Variants in PHLDB3 observed in about 807,000 individuals in gnomAD.
PHLDB3 encodes the protein pleckstrin homology-like domain family B member 3.
A neutral mutation model predicts 85.7 loss-of-function variants in PHLDB3; 86 were observed. The observed-to-expected ratio is 1.00, with a 90% CI of 0.84 to 1.20. The LOEUF (loss-of-function observed/expected upper bound fraction) is 1.20. PHLDB3 is among the 50% of genes most tolerant of loss of function. PHLDB3 has a pLI of 0.00. For missense variants in PHLDB3, 995 were observed against 873.0 expected, an observed-to-expected ratio of 1.14 and a Z score of -1.76; for synonymous variants, 376 against 349.8, an observed-to-expected ratio of 1.07 and a Z score of -0.83.
intron 9 of PHLDB3, among the ~76,000 whole-genome samples, chr19:43,488,885 C>T (rs1402217606): frequency 3.3e-5 from 5 of 151,932 alleles, no homozygotes; most frequent in Non-Finnish European, 4.4e-5. Flanking sequence ...TTGCAACCTC[C>T]GCCTCCTGGG....
intron 13 of PHLDB3, chr19:43,485,915 A>C: frequency 1.1e-6 from 1 of 923,958 alleles, no homozygotes; most frequent in Non-Finnish European, 1.3e-6. Context: ...TCACGCTATA[A>C]TCCCAGTACT....
At chr19:43,496,715 G>C (rs963846529) in intron 6 of PHLDB3, 1 of 216,460 alleles carries the variant, frequency 4.6e-6, no homozygotes, top group African/African-American at 2.3e-5. Flanking sequence ...GGAGGCTGCA[G>C]TGAGCTGTGA....
At chr19:43,501,926 C>T in intron 3 of PHLDB3, 55 bp from the exon 4 acceptor site, 5 of 1,524,506 alleles carry the variant, frequency 3.3e-6, no homozygotes, top group Non-Finnish European at 4.4e-6. Flanking sequence ...AAGGAAGAGG[C>T]CCAGGGCCTG....
chr19:43,503,771 T>C (rs1247774831), intron 2 of PHLDB3, 135 bp downstream of exon 2: 2 of 975,076 alleles, frequency 2.1e-6, no homozygotes, highest in African/African-American at 3.3e-5. Flanking sequence ...CAGTAGTCTC[T>C]GCTATCACTC....
chr19:43,479,621 A>C (rs753425046), intron 13 of PHLDB3, 28 bp from the exon 14 acceptor site: 871 of 1,468,114 alleles, frequency 5.9e-4, no homozygotes, highest in Non-Finnish European at 7.3e-4. Context: ...GGGGCAGCTG[A>C]TGTAAGGGGC....
chr19:43,477,601 G>A (rs998984106), intron 15 of PHLDB3, among the ~76,000 whole-genome samples: 1 of 151,062 alleles, frequency 6.6e-6, no homozygotes, highest in African/African-American at 2.5e-5. Flanking sequence ...CAGATCATGA[G>A]GTCAGGAGTT....
intron 4 of PHLDB3, among the ~76,000 whole-genome samples, chr19:43,500,909 A>ACCC (rs1248570317): frequency 5.8e-5 from 1 of 17,168 alleles, no homozygotes; most frequent in African/African-American, 1.8e-4. Flanking sequence ...CGCCCCCCGT[A>ACCC]CCCCCCCCCC....
At position 43,501,865 on chromosome 19, in the gene PHLDB3, C is replaced by T. The variant is rs1316643265; in HGVS notation, c.403G>A (p.Val135Met). ...TCACCCCGCAGCAAGGCCACCTCCA[C>T]CTCCATCTGCGGAGAGAATGCCAGG... ...QRKELRIEME[V>M]EVALLRGELA... The change falls in exon 4 of 16, where the codon GTG (valine) becomes ATG (methionine). Residue 135 changes from valine to methionine, a missense_variant. By Grantham distance (21) the Val-to-Met change is conservative. Transcript: ENST00000292140. 1 of 1,591,930 alleles carries T rather than the reference C, an allele frequency of 6.3e-7. No homozygotes were observed. Among genetic ancestry groups the T allele is most frequent in the Admixed American group, 1.7e-5 (1 of 57,452 alleles).
intron 13 of PHLDB3, among the ~76,000 whole-genome samples, chr19:43,483,770 T>C (rs1252958246): frequency 6.6e-6 from 1 of 152,174 alleles, no homozygotes; most frequent in Non-Finnish European, 1.5e-5. Context: ...GATTAAAAGA[T>C]TTAAGAGACA....
At chr19:43,492,671 A>G (rs1393386625) in intron 9 of PHLDB3, among the ~76,000 whole-genome samples, 1 of 151,746 alleles carries the variant, frequency 6.6e-6, no homozygotes, top group African/African-American at 2.4e-5. Context: ...TTCTGAAAAC[A>G]GAGTACCTGG....
rs776599195 is a variant in PHLDB3 at position 43,497,215 on chromosome 19, C to T, written c.728G>A (p.Arg243Gln). The change falls in exon 6 of 16, where the codon CGG (arginine) becomes CAG (glutamine). Residue 243 changes from arginine to glutamine, a missense_variant. Arg to Gln is a conservative substitution (Grantham distance 43). Coordinates refer to ENST00000292140, the MANE Select transcript of PHLDB3 (RefSeq NM_198850.4). Reference protein sequence around the residue: ...YEDLEFQQLERESRQEEEDRD... With the variant: ...YEDLEFQQLEQESRQEEEDRD... Reference sequence around the variant, plus strand: ...ATCCTCCTCCTCCTGCCGGCTCTCCCGCTCCAGTTGCTGGAACTCCAGGTC... The same window carrying T: ...ATCCTCCTCCTCCTGCCGGCTCTCCTGCTCCAGTTGCTGGAACTCCAGGTC... 9.7e-6 allele frequency: 15 copies of T among 1,547,486 alleles called. No homozygotes were observed. The highest frequency in any genetic ancestry group is 6.1e-5 in the Admixed American group (3 of 49,578).
Position 43,500,923 on chromosome 19 carries a change from C to CCCCA in PHLDB3, c.534+810_534+811insTGGG, listed in dbSNP as rs1555757872. Among the ~76,000 whole-genome samples, 9 of 105,758 alleles carry CCCCA rather than the reference C, an allele frequency of 8.5e-5. 1 individual carries two copies. Among genetic ancestry groups the CCCCA allele is most frequent in the South Asian group, 3.6e-4 (1 of 2,768 alleles). The allele number at this position is 105,758 out of a possible 152,430, so 69.4% of individuals were successfully genotyped here. A position where few individuals can be genotyped will look rare whatever the true frequency, so the allele number is the denominator to read the frequency against. ...CCGCCCCCCGTACCCCCCCCCCACC[C>CCCCA]CGCAAGTACTGGGATTACAGGTGTG... is the stretch of plus-strand genomic sequence containing the variant. On this transcript the variant is annotated intron_variant, in intron 4 of 15. Transcript: ENST00000292140.
intron 13 of PHLDB3, among the ~76,000 whole-genome samples, chr19:43,483,950 C>A (rs1971098623): frequency 6.6e-6 from 1 of 152,030 alleles, no homozygotes; most frequent in Non-Finnish European, 1.5e-5. Context: ...AGTGTCTCTA[C>A]TGTTAAAAAT....
rs1392423857 is a variant in PHLDB3 at position 43,486,663 on chromosome 19, C to T, written c.1374G>A (p.Met458Ile). ...CCATGGCCTGCTGCAGGAGCCGCTC[C>T]ATGTGGGCAATGTCTGGATGGATGG... is the stretch of plus-strand genomic sequence containing the variant. ...CGAIHPDIAHMERLLQQAMAE... is the reference protein window; with the variant it reads ...CGAIHPDIAHIERLLQQAMAE... The change falls in exon 12 of 16, where the codon ATG (methionine) becomes ATA (isoleucine). Residue 458 changes from methionine (M) to isoleucine (I), a missense_variant. Met to Ile is a conservative substitution (Grantham distance 10). Coordinates refer to ENST00000292140, the MANE Select transcript of PHLDB3 (RefSeq NM_198850.4). The T allele has an allele frequency of 1.9e-6, 3 of 1,613,982 alleles. No homozygotes were observed. The Admixed American group carries it at 5.0e-5, about 27-fold the overall frequency.
Position 43,504,727 on chromosome 19 carries a change from C to T in PHLDB3, c.-153G>A. 6.5e-6 allele frequency: 1 copy of T among 152,714 alleles called. No individual in the cohort carries two copies. The highest frequency in any genetic ancestry group is 1.5e-5 in the Non-Finnish European group (1 of 68,288). The allele number at this position is 152,714 out of a possible 1,614,324, so 9.5% of individuals were successfully genotyped here. A position where few individuals can be genotyped will look rare whatever the true frequency, so the allele number is the denominator to read the frequency against. ...AGGCTTCGGCGCGCTCCGCTCTGCG[C>T]GCTGGGCACGGCCGCTTCTGCCTAT... is the stretch of plus-strand genomic sequence containing the variant. On this transcript the variant is annotated 5_prime_UTR_variant, in exon 1 of 16. Transcript: ENST00000292140.
rs1971700993 is a variant in PHLDB3, at chr19:43,504,301, G to A, written c.-14-169C>T. The stretch of plus-strand genomic sequence containing the variant: ...CGTGTCCTGAAGTTTCCAGAGGCGG[G>A]GCTTGATGGCTCCAAGGCGACACGC... On this transcript the variant is annotated intron_variant, in intron 1 of 15. Transcript: ENST00000292140. 2.0e-5 allele frequency: 13 copies of A among 660,258 alleles called. No homozygotes were observed. In the East Asian group the frequency reaches 3.4e-4, roughly 17 times the overall value. The allele number at this position is 660,258 out of a possible 1,614,324, so 40.9% of individuals were successfully genotyped here.
chr19:43,503,280 G>GTCTCTCTC (rs57901463), intron 2 of PHLDB3, among the ~76,000 whole-genome samples: 10,451 of 141,656 alleles, frequency 0.074, 514 homozygotes, highest in Non-Finnish European at 0.093. Context: ...TGTCTATCTG[G>GTCTCTCTC]TCTCTCTCTC....
At chr19:43,486,163 G>A in intron 13 of PHLDB3, 103 bp downstream of exon 13, 1 of 1,404,676 alleles carries the variant, frequency 7.1e-7, no homozygotes, top group Non-Finnish European at 9.3e-7. Context: ...ACAATTTTCT[G>A]TTCAATTGGA....
intron 13 of PHLDB3, among the ~76,000 whole-genome samples, chr19:43,482,561 CAG>C (rs1396877151): frequency 6.6e-6 from 1 of 152,130 alleles, no homozygotes; most frequent in African/African-American, 2.4e-5. Flanking sequence ...TGTTTTGAGA[CAG>C]AGTCTCGCTC....
Sources: gnomAD v4.1 joint callset for allele counts (sites outside exome capture counted in the v4.1 genomes callset) on GRCh38, gnomAD v4.1.1 for gene constraint, MANE v1.5 for transcripts, NCBI Gene and HGNC (gene_info 2026-07-23, HGNC 2026-07-21) for gene names.